The following NR6A1 variants were observed in gnomAD, a reference collection of about 807,000 sequenced individuals.
NR6A1 encodes the protein nuclear receptor subfamily 6 group A member 1.
A neutral mutation model predicts 59.1 loss-of-function variants in NR6A1; 7 were observed. The observed-to-expected ratio is 0.12, with a 90% CI of 0.07 to 0.22. NR6A1 has a LOEUF of 0.22. NR6A1 is among the 10% of genes least tolerant of loss of function. The pLI is 1.00. For missense variants in NR6A1, 468 were observed against 611.6 expected, an observed-to-expected ratio of 0.77 and a Z score of 2.48; for synonymous variants, 243 against 236.1, an observed-to-expected ratio of 1.03 and a Z score of -0.27.
intron 2 of NR6A1, among the ~76,000 whole-genome samples, 190 bp downstream of exon 2, chr9:124,733,118 C>T (rs1839929560): frequency 6.6e-6 from 1 of 152,156 alleles, no homozygotes; most frequent in African/African-American, 2.4e-5. Flanking sequence ...ATCCTGGCCA[C>T]TGAATAATAT....
intron 7 of NR6A1, among the ~76,000 whole-genome samples, chr9:124,529,611 G>A (rs1296459410): frequency 6.6e-6 from 1 of 152,146 alleles, no homozygotes; most frequent in Non-Finnish European, 1.5e-5. Flanking sequence ...GCCTACCCTT[G>A]ATCCTGTCTT....
chr9:124,623,647 C>T (rs373167942), intron 2 of NR6A1, among the ~76,000 whole-genome samples: 2 of 151,942 alleles, frequency 1.3e-5, no homozygotes, highest in Non-Finnish European at 2.9e-5. Flanking sequence ...TGGGCCACCA[C>T]ACCCAGCCTG....
chr9:124,649,646 A>G (rs1041635127), intron 2 of NR6A1, among the ~76,000 whole-genome samples: 2 of 152,210 alleles, frequency 1.3e-5, no homozygotes, highest in African/African-American at 4.8e-5. Context: ...AGCAAAGAAA[A>G]CAACCGACAA....
intron 1 of NR6A1, among the ~76,000 whole-genome samples, chr9:124,736,740 G>A (rs1840030659): frequency 1.3e-5 from 2 of 152,148 alleles, no homozygotes; most frequent in South Asian, 4.2e-4. Flanking sequence ...CACCTACTTG[G>A]GAGGCTGAGG....
intron 7 of NR6A1, among the ~76,000 whole-genome samples, chr9:124,528,039 C>G (rs183008862): frequency 1.3e-5 from 2 of 152,332 alleles, no homozygotes; most frequent in Admixed American, 1.3e-4. Flanking sequence ...AGGCATGCTT[C>G]CTGGTGAGAT....
intron 2 of NR6A1, among the ~76,000 whole-genome samples, chr9:124,610,572 G>A (rs957552161): frequency 6.6e-6 from 1 of 151,926 alleles, no homozygotes; most frequent in African/African-American, 2.4e-5. Context: ...TTTTTTTGTT[G>A]TATCTCTGCC....
Position 124,737,676 on chromosome 9 carries a change from G to A in NR6A1, c.101-4327C>T, listed in dbSNP as rs541972713. On this transcript the variant is annotated intron_variant, in intron 1 of 9. Coordinates refer to ENST00000487099, the MANE Select transcript of NR6A1 (RefSeq NM_033334.4). ...AGGTCAGGAGTTCGAGACCAGCATG[G>A]CAAAAATGGTGAAACCCCATCTCTA... is the stretch of plus-strand genomic sequence containing the variant. Among the ~76,000 whole-genome samples the A allele has an allele frequency of 6.0e-4, 91 of 152,206 alleles. 1 individual carries two copies. In the South Asian group the frequency reaches 0.018, roughly 30 times the overall value.
Position 124,681,295 on chromosome 9 carries a change from G to A in NR6A1, c.142+52013C>T, listed in dbSNP as rs148612799. The stretch of plus-strand genomic sequence containing the variant: ...GAACAAAGTGAGTATGTCACTTCAA[G>A]GAAAACAAGTGACAGTATTTGTTGC... On this transcript the variant is annotated intron_variant, in intron 2 of 9. Transcript: ENST00000487099. Among the ~76,000 whole-genome samples, 194 of 150,010 alleles carry A rather than the reference G, an allele frequency of 1.3e-3. 1 individual carries two copies. Among genetic ancestry groups the A allele is most frequent in the African/African-American group, 4.4e-3 (181 of 40,958 alleles).
At chr9:124,530,784 C>A (rs777846784) in intron 7 of NR6A1, among the ~76,000 whole-genome samples, 1 of 152,170 alleles carries the variant, frequency 6.6e-6, no homozygotes, top group Non-Finnish European at 1.5e-5. Context: ...AGTTTCAGGA[C>A]AAATTCCAGA....
At chr9:124,749,035 G>C (rs146425387) in intron 1 of NR6A1, among the ~76,000 whole-genome samples, 1,571 of 152,276 alleles carry the variant, frequency 0.01, 26 homozygotes, top group African/African-American at 0.036. Context: ...GGCCAAGGCG[G>C]GCGGATCACC....
chr9:124,551,332 T>C (rs1301593713), intron 3 of NR6A1, among the ~76,000 whole-genome samples: 2 of 152,200 alleles, frequency 1.3e-5, no homozygotes, highest in South Asian at 4.1e-4. Flanking sequence ...GAAACACGAA[T>C]ACATATTGAT....
chr9:124,647,485 T>C (rs1361496920), intron 2 of NR6A1, among the ~76,000 whole-genome samples: 9 of 151,630 alleles, frequency 5.9e-5, no homozygotes, highest in African/African-American at 9.7e-5. Context: ...CCCAATACAC[T>C]GGGAGGCTGA....
chr9:124,678,454 C>G (rs1838029068), intron 2 of NR6A1, among the ~76,000 whole-genome samples: 1 of 152,200 alleles, frequency 6.6e-6, no homozygotes, highest in Non-Finnish European at 1.5e-5. Flanking sequence ...GCAAACCAAG[C>G]ACTTCTGGGG....
chr9:124,562,655 A>C (rs1834115059), intron 2 of NR6A1, among the ~76,000 whole-genome samples: 4 of 152,172 alleles, frequency 2.6e-5, no homozygotes, highest in Admixed American at 2.0e-4. Context: ...TATCATATTA[A>C]ATTGCATTTC....
intron 2 of NR6A1, among the ~76,000 whole-genome samples, chr9:124,648,714 A>G (rs796510862): frequency 5.9e-5 from 9 of 152,258 alleles, no homozygotes; most frequent in African/African-American, 2.2e-4. Context: ...TGCTAAAAAA[A>G]AAAAAGGCAT....
intron 1 of NR6A1, among the ~76,000 whole-genome samples, chr9:124,766,750 C>T (rs989496710): frequency 7.9e-5 from 12 of 152,162 alleles, no homozygotes; most frequent in African/African-American, 2.9e-4. Flanking sequence ...CCAAAGATCT[C>T]GATGAATTTG....
At chr9:124,584,871 C>A (rs139106355) in intron 2 of NR6A1, among the ~76,000 whole-genome samples, 1 of 152,108 alleles carries the variant, frequency 6.6e-6, no homozygotes, top group Admixed American at 6.6e-5. Flanking sequence ...GAGGAAGGCA[C>A]GTCAAAAGCA....
intron 1 of NR6A1, among the ~76,000 whole-genome samples, chr9:124,750,554 A>C (rs1174561567): frequency 2.0e-5 from 3 of 152,076 alleles, no homozygotes; most frequent in African/African-American, 7.2e-5. Flanking sequence ...AGGTCAGGAG[A>C]ACGAGACCAG....
At chr9:124,551,968 C>T (rs1833790987) in intron 3 of NR6A1, among the ~76,000 whole-genome samples, 1 of 152,234 alleles carries the variant, frequency 6.6e-6, no homozygotes, top group African/African-American at 2.4e-5. Flanking sequence ...GCAACTGGGT[C>T]TGCCTGCTCT....
Sources: gnomAD v4.1 joint callset for allele counts (sites outside exome capture counted in the v4.1 genomes callset) on GRCh38, gnomAD v4.1.1 for gene constraint, MANE v1.5 for transcripts, NCBI Gene and HGNC (gene_info 2026-07-23, HGNC 2026-07-21) for gene names.